The following RGS8 variants were observed in gnomAD, a reference collection of about 807,000 sequenced individuals.
The protein encoded by RGS8 is regulator of G-protein signaling 8.
A neutral mutation model predicts 21.7 loss-of-function variants in RGS8; 8 were observed. The ratio of observed to expected loss-of-function variants is 0.37; its 90% CI spans 0.22 to 0.66. The LOEUF is 0.66. RGS8 is among the 30% of genes least tolerant of loss of function. RGS8 has a pLI of 0.59. For missense variants in RGS8, 157 were observed against 217.9 expected (o/e 0.72, Z 1.76); for synonymous variants, 80 against 83.6 (o/e 0.96, Z 0.24).
intron 3 of RGS8, among the ~76,000 whole-genome samples, chr1:182,668,591 GA>G (rs1663988656): frequency 3.3e-5 from 5 of 152,182 alleles, no homozygotes; most frequent in Admixed American, 3.3e-4. Flanking sequence ...CATCTCTGAA[GA>G]GCCTCCTAGG....
upstream of RGS8, among the ~76,000 whole-genome samples, chr1:182,685,975 T>C (rs1476332958): frequency 6.6e-6 from 1 of 152,062 alleles, no homozygotes; most frequent in African/African-American, 2.4e-5. Flanking sequence ...TCTGCGGAAA[T>C]GCTGGGGGAG....
chr1:182,697,165 T>C, the RGS8 span, among the ~76,000 whole-genome samples: 1 of 152,224 alleles, frequency 6.6e-6, no homozygotes, highest in South Asian at 2.1e-4. Context: ...CACATCTTGA[T>C]GAGAAAAGTT....
chr1:182,716,500 C>A, the RGS8 span, among the ~76,000 whole-genome samples: 1 of 150,880 alleles, frequency 6.6e-6, no homozygotes, highest in Non-Finnish European at 1.5e-5. Flanking sequence ...TATTTTTCAT[C>A]CACAATTGGT....
the RGS8 span, among the ~76,000 whole-genome samples, chr1:182,720,675 G>A: frequency 4.0e-5 from 6 of 151,760 alleles, no homozygotes; most frequent in Non-Finnish European, 8.8e-5. Flanking sequence ...CCTTCCTCTA[G>A]GGCTTTGCTT....
the RGS8 span, among the ~76,000 whole-genome samples, chr1:182,711,165 G>A: frequency 2.0e-5 from 3 of 152,174 alleles, no homozygotes; most frequent in African/African-American, 4.8e-5. Flanking sequence ...AACAGGTGAT[G>A]AGCCAGTACC....
intron 5 of RGS8, among the ~76,000 whole-genome samples, chr1:182,663,895 C>T (rs1209655545): frequency 6.6e-6 from 1 of 151,874 alleles, no homozygotes; most frequent in Non-Finnish European, 1.5e-5. Context: ...GGCCTTGAAC[C>T]CCTGGCCTCA....
At chr1:182,671,842 A>G (rs1664179909) in intron 1 of RGS8, 112 bp from the exon 3 acceptor site, 1 of 1,565,696 alleles carries the variant, frequency 6.4e-7, no homozygotes, top group Non-Finnish European at 8.7e-7. Flanking sequence ...AGGCATGCAC[A>G]ACACACCTCC....
the RGS8 span, among the ~76,000 whole-genome samples, chr1:182,728,166 C>CATT: frequency 6.6e-6 from 1 of 152,200 alleles, no homozygotes; most frequent in African/African-American, 2.4e-5. Flanking sequence ...TTGAAGCAGG[C>CATT]ATTAATCTAT....
chr1:182,742,709 G>T, the RGS8 span, among the ~76,000 whole-genome samples: 7 of 151,978 alleles, frequency 4.6e-5, no homozygotes, highest in African/African-American at 7.3e-5. Flanking sequence ...GCTTTGGCTC[G>T]GCATCAGAGG....
At chr1:182,740,630 T>C in the RGS8 span, among the ~76,000 whole-genome samples, 209 of 129,472 alleles carry the variant, frequency 1.6e-3, no homozygotes, top group African/African-American at 5.2e-3. Context: ...CACAGGACAA[T>C]AGTGGAGGGA....
the RGS8 span, among the ~76,000 whole-genome samples, chr1:182,690,131 A>G: frequency 6.6e-6 from 1 of 152,028 alleles, no homozygotes; most frequent in African/African-American, 2.4e-5. Flanking sequence ...TTCCTGGAAA[A>G]GAGGGATACT....
At chr1:182,675,024 C>A (rs1557900429), upstream of RGS8, among the ~76,000 whole-genome samples, 1 of 152,180 alleles carries the variant, frequency 6.6e-6, no homozygotes, top group Non-Finnish European at 1.5e-5. Flanking sequence ...CAGCTCTAGG[C>A]CGCTTTTCCA....
chr1:182,698,707 GA>G, the RGS8 span, among the ~76,000 whole-genome samples: 1 of 152,188 alleles, frequency 6.6e-6, no homozygotes, highest in African/African-American at 2.4e-5. Flanking sequence ...CGATGAGAGT[GA>G]ATTTGCTATT....
At chr1:182,741,615 T>C in the RGS8 span, among the ~76,000 whole-genome samples, 3 of 75,000 alleles carry the variant, frequency 4.0e-5, no homozygotes, top group East Asian at 4.8e-4. Context: ...GGCGGCTGGC[T>C]GGGCGGGGGG....
upstream of RGS8, among the ~76,000 whole-genome samples, chr1:182,689,293 AC>A (rs1481096243): frequency 4.7e-5 from 7 of 149,826 alleles, no homozygotes; most frequent in African/African-American, 1.8e-4. Context: ...ACACACACAC[AC>A]ACACACACAC....
intron 3 of RGS8, 83 bp from the exon 5 acceptor site, chr1:182,667,056 G>C (rs1345014269): frequency 1.8e-6 from 2 of 1,137,794 alleles, no homozygotes. Context: ...TGGAGCTGCT[G>C]CTACGGGAGC....
At chr1:182,730,501 G>A in the RGS8 span, among the ~76,000 whole-genome samples, 3 of 151,972 alleles carry the variant, frequency 2.0e-5, no homozygotes, top group South Asian at 2.1e-4. Flanking sequence ...CCTGAGCTCC[G>A]GAGTTCGAGA....
the RGS8 span, among the ~76,000 whole-genome samples, chr1:182,739,885 G>A: frequency 6.6e-6 from 1 of 152,112 alleles, no homozygotes; most frequent in South Asian, 2.1e-4. Flanking sequence ...GGGAAGGGGG[G>A]CAAACGGCTG....
the RGS8 span, among the ~76,000 whole-genome samples, chr1:182,704,207 A>G: frequency 6.6e-6 from 1 of 152,178 alleles, no homozygotes; most frequent in African/African-American, 2.4e-5. Flanking sequence ...ATAAAATACA[A>G]TTTTCTCAGC....
Sources: gnomAD v4.1 joint callset for allele counts (sites outside exome capture counted in the v4.1 genomes callset) on GRCh38, gnomAD v4.1.1 for gene constraint, MANE v1.5 for transcripts, NCBI Gene and HGNC (gene_info 2026-07-23, HGNC 2026-07-21) for gene names.